Variants in RSU1 observed in about 807,000 individuals in gnomAD.
RSU1 encodes the protein Ras suppressor protein 1, also known as rsu-1.
RSU1 carries 26 observed loss-of-function variants against 31.1 expected under a neutral mutation model. The observed-to-expected ratio is 0.84, with a 90% CI of 0.61 to 1.16. The LOEUF is 1.16. Ranked by LOEUF, RSU1 falls within the 50% of genes most tolerant of loss-of-function variation. RSU1 has a pLI of 0.00. For missense variants in RSU1, 320 were observed against 339.1 expected, an observed-to-expected ratio of 0.94 and a Z score of 0.44; for synonymous variants, 164 against 136.3, an observed-to-expected ratio of 1.20 and a Z score of -1.41.
chr10:16,610,849 G>A (rs567917077), intron 8 of RSU1, among the ~76,000 whole-genome samples: 3 of 152,098 alleles, frequency 2.0e-5, no homozygotes, highest in African/African-American at 4.8e-5. Context: ...GGAAACTGCT[G>A]GTTTCGAGTA....
At chr10:16,713,694 G>A (rs907204898) in intron 7 of RSU1, among the ~76,000 whole-genome samples, 7 of 152,048 alleles carry the variant, frequency 4.6e-5, no homozygotes, top group Non-Finnish European at 1.5e-5. Context: ...CCTTTTCTTT[G>A]GGGTCTTTTA....
At chr10:16,704,248 G>T (rs1003634649) in intron 7 of RSU1, among the ~76,000 whole-genome samples, 1 of 152,072 alleles carries the variant, frequency 6.6e-6, no homozygotes, top group African/African-American at 2.4e-5. Context: ...AATAATATTG[G>T]TTTTTATTTG....
At chr10:16,803,971 C>T (rs1838214859) in intron 2 of RSU1, among the ~76,000 whole-genome samples, 1 of 152,064 alleles carries the variant, frequency 6.6e-6, no homozygotes, top group South Asian at 2.1e-4. Context: ...GAAGGAAAAA[C>T]TTGATAAGAC....
chr10:16,628,728 G>A (rs1177402171), intron 8 of RSU1, among the ~76,000 whole-genome samples: 1 of 152,170 alleles, frequency 6.6e-6, no homozygotes. Context: ...GGGGCAAAGT[G>A]CCCTGTAGTT....
At chr10:16,597,709 T>C (rs1291906047) in intron 8 of RSU1, among the ~76,000 whole-genome samples, 1 of 152,224 alleles carries the variant, frequency 6.6e-6, no homozygotes, top group Non-Finnish European at 1.5e-5. Context: ...TTTAGGGCTG[T>C]TTCCCCTGCA....
intron 8 of RSU1, among the ~76,000 whole-genome samples, chr10:16,648,848 G>A (rs886662722): frequency 2.0e-5 from 3 of 151,746 alleles, no homozygotes; most frequent in African/African-American, 7.3e-5. Flanking sequence ...GGAAACCGTG[G>A]GCTGTAAAAT....
At chr10:16,680,496 C>G (rs565943332) in intron 8 of RSU1, among the ~76,000 whole-genome samples, 1 of 152,254 alleles carries the variant, frequency 6.6e-6, no homozygotes, top group East Asian at 1.9e-4. Context: ...TCAGGCTGTA[C>G]AAGAAGCATA....
At chr10:16,611,093 G>A (rs575133708) in intron 8 of RSU1, among the ~76,000 whole-genome samples, 4 of 152,328 alleles carry the variant, frequency 2.6e-5, no homozygotes, top group African/African-American at 7.2e-5. Context: ...GCGCCCGGCT[G>A]GCTAGAGTGC....
chr10:16,594,228 T>G (rs963388637), intron 8 of RSU1, among the ~76,000 whole-genome samples: 6 of 152,122 alleles, frequency 3.9e-5, no homozygotes, highest in Non-Finnish European at 8.8e-5. Context: ...GCCTGGTGGG[T>G]GTCTCAGGTC....
intron 8 of RSU1, among the ~76,000 whole-genome samples, chr10:16,615,488 TAAG>T (rs1482712611): frequency 2.0e-5 from 3 of 152,150 alleles, no homozygotes. Context: ...GACCGAAAAT[TAAG>T]AAGGATATTC....
chr10:16,702,394 G>C (rs1194723057), intron 7 of RSU1, among the ~76,000 whole-genome samples: 1 of 152,248 alleles, frequency 6.6e-6, no homozygotes, highest in Non-Finnish European at 1.5e-5. Context: ...CCTGCACCGG[G>C]AAAAGCTGCA....
intron 2 of RSU1, 144 bp from the exon 3 acceptor site, chr10:16,782,228 T>C: frequency 1.6e-6 from 1 of 633,090 alleles, no homozygotes; most frequent in Non-Finnish European, 2.7e-6. Context: ...CTAGGATTCA[T>C]GTAACACGAT....
chr10:16,672,318 A>AT (rs1835123539), intron 8 of RSU1, among the ~76,000 whole-genome samples: 1 of 152,080 alleles, frequency 6.6e-6, no homozygotes, highest in Admixed American at 6.5e-5. Flanking sequence ...TCAAAAAAAA[A>AT]GGTAAATCCA....
intron 8 of RSU1, among the ~76,000 whole-genome samples, chr10:16,598,469 G>A (rs373925335): frequency 2.6e-5 from 4 of 152,286 alleles, no homozygotes; most frequent in Non-Finnish European, 2.9e-5. Context: ...TGGGAGGATC[G>A]CTTGAGCCTG....
At chr10:16,695,703 T>C (rs1835660900) in intron 7 of RSU1, among the ~76,000 whole-genome samples, 1 of 152,228 alleles carries the variant, frequency 6.6e-6, no homozygotes, top group Non-Finnish European at 1.5e-5. Flanking sequence ...AAAGACTAAT[T>C]ACCTTTTAAA....
intron 3 of RSU1, among the ~76,000 whole-genome samples, chr10:16,768,178 C>T (rs1437152858): frequency 2.6e-5 from 4 of 152,160 alleles, no homozygotes; most frequent in African/African-American, 9.7e-5. Context: ...CAACGTGGTC[C>T]CTGACCCTAC....
At chr10:16,706,393 T>C (rs1835903771) in intron 7 of RSU1, among the ~76,000 whole-genome samples, 1 of 152,222 alleles carries the variant, frequency 6.6e-6, no homozygotes, top group African/African-American at 2.4e-5. Flanking sequence ...GCCATTTATG[T>C]ACCTTCCTTG....
At chr10:16,757,839 C>T (rs1266504783) in intron 4 of RSU1, among the ~76,000 whole-genome samples, 1 of 152,194 alleles carries the variant, frequency 6.6e-6, no homozygotes, top group Non-Finnish European at 1.5e-5. Flanking sequence ...ACGCTGCTTT[C>T]GGTTATCTCT....
At chr10:16,770,388 C>T (rs1837400020) in intron 3 of RSU1, among the ~76,000 whole-genome samples, 1 of 152,102 alleles carries the variant, frequency 6.6e-6, no homozygotes, top group Admixed American at 6.6e-5. Context: ...AGACCCTGCA[C>T]CATGCTAACA....
Sources: gnomAD v4.1 joint callset for allele counts (sites outside exome capture counted in the v4.1 genomes callset) on GRCh38, gnomAD v4.1.1 for gene constraint, MANE v1.5 for transcripts, NCBI Gene and HGNC (gene_info 2026-07-23, HGNC 2026-07-21) for gene names.